Variants in TRIO observed in about 807,000 individuals in gnomAD.
TRIO encodes the protein trio Rho guanine nucleotide exchange factor, also known as triple functional domain protein.
In TRIO, 58 loss-of-function variants were observed where a neutral mutation model predicts 351.9. The ratio of observed to expected loss-of-function variants is 0.16; its 90% CI spans 0.13 to 0.21. The LOEUF (loss-of-function observed/expected upper bound fraction) is 0.21. Among genes scored for constraint, TRIO ranks in the 10% least tolerant of loss-of-function variants. The probability of loss-of-function intolerance (pLI) is 1.00; values close to 1 mark genes in which losing one functional copy is unlikely to be tolerated. For missense variants in TRIO, 3,201 were observed against 4,027.8 expected (o/e 0.79, Z 5.56); for synonymous variants, 1,758 against 1,595.7 (o/e 1.10, Z -2.42).
chr5:14,314,560 T>C (rs1739214376), intron 8 of TRIO, among the ~76,000 whole-genome samples: 1 of 152,234 alleles, frequency 6.6e-6, no homozygotes, highest in African/African-American at 2.4e-5. Flanking sequence ...AACATGGTTG[T>C]TGGATTTGTG....
intron 8 of TRIO, among the ~76,000 whole-genome samples, chr5:14,305,036 ATTAT>A (rs1279552718): frequency 6.6e-6 from 1 of 152,170 alleles, no homozygotes; most frequent in African/African-American, 2.4e-5. Flanking sequence ...GGTGTATTAC[ATTAT>A]TTACTTAGTG....
At chr5:14,183,821 T>C in intron 1 of TRIO, 1 of 634,770 alleles carries the variant, frequency 1.6e-6, no homozygotes, top group Non-Finnish European at 2.9e-6. Context: ...AGAGGTTGTT[T>C]GTTGGTGTTC....
chr5:14,252,655 G>T (rs775471387), intron 1 of TRIO, among the ~76,000 whole-genome samples: 44 of 152,216 alleles, frequency 2.9e-4, no homozygotes, highest in Non-Finnish European at 5.4e-4. Flanking sequence ...GACCTTTCTA[G>T]ATCCGAATTA....
chr5:14,317,849 A>C (rs1393761164), intron 9 of TRIO, among the ~76,000 whole-genome samples: 1 of 152,070 alleles, frequency 6.6e-6, no homozygotes, highest in Non-Finnish European at 1.5e-5. Context: ...AAATCAGGCC[A>C]GGCGAGGTAG....
intron 9 of TRIO, among the ~76,000 whole-genome samples, chr5:14,330,444 T>G (rs1177183214): frequency 1.3e-5 from 2 of 152,264 alleles, no homozygotes; most frequent in African/African-American, 4.8e-5. Context: ...CACTGTCTTA[T>G]ACAATACCCA....
chr5:14,358,465 T>C, intron 12 of TRIO, 118 bp downstream of exon 12: 1 of 1,210,796 alleles, frequency 8.3e-7, no homozygotes, highest in Admixed American at 2.6e-5. Context: ...AGTGCAGAGC[T>C]AGTAGTGTCT....
At chr5:14,356,226 A>G (rs1743599292) in intron 11 of TRIO, among the ~76,000 whole-genome samples, 1 of 152,224 alleles carries the variant, frequency 6.6e-6, no homozygotes, top group African/African-American at 2.4e-5. Context: ...TGCTCAGTGA[A>G]CAAATTGTAG....
At chr5:14,484,323 G>T (rs1755759827) in intron 46 of TRIO, among the ~76,000 whole-genome samples, 1 of 152,166 alleles carries the variant, frequency 6.6e-6, no homozygotes, top group Non-Finnish European at 1.5e-5. Flanking sequence ...TACTCCCTGG[G>T]AAGTAAGTAA....
intron 11 of TRIO, among the ~76,000 whole-genome samples, chr5:14,339,766 A>C (rs1354189976): frequency 6.6e-6 from 1 of 152,188 alleles, no homozygotes; most frequent in East Asian, 1.9e-4. Context: ...AATTTCCCTC[A>C]GTTCTTTTTC....
At chr5:14,245,414 G>T (rs1233266102) in intron 1 of TRIO, among the ~76,000 whole-genome samples, 4 of 152,106 alleles carry the variant, frequency 2.6e-5, no homozygotes, top group African/African-American at 9.7e-5. Flanking sequence ...CTTATTCAGG[G>T]GAGTGCTTGC....
At chr5:14,192,264 T>C (rs1268658439) in intron 1 of TRIO, among the ~76,000 whole-genome samples, 3 of 152,018 alleles carry the variant, frequency 2.0e-5, no homozygotes, top group Admixed American at 6.6e-5. Flanking sequence ...CTTCTTCTTT[T>C]TTTTTTTCCC....
At chr5:14,442,606 C>T (rs1466941692) in intron 34 of TRIO, among the ~76,000 whole-genome samples, 1 of 152,142 alleles carries the variant, frequency 6.6e-6, no homozygotes, top group Non-Finnish European at 1.5e-5. Flanking sequence ...CTCTTTTTGT[C>T]ATATTTATGC....
At chr5:14,180,542 T>C (rs1022264251) in intron 1 of TRIO, among the ~76,000 whole-genome samples, 7 of 152,142 alleles carry the variant, frequency 4.6e-5, no homozygotes, top group African/African-American at 1.7e-4. Context: ...TCTTTGCATA[T>C]GAAAATATAG....
At position 14,167,306 on chromosome 5, in the gene TRIO, G is replaced by A. The variant is rs1220197656; in HGVS notation, c.157+23424G>A. On this transcript the variant is annotated intron_variant, in intron 1 of 56. Transcript: ENST00000344204. ...TTACAGGAGTATGTTCCATGAGCCC[G>A]TTAAGAATGTTCCAGGTCTTGCCCT... Among the ~76,000 whole-genome samples the A allele has an allele frequency of 4.6e-5, 7 of 151,948 alleles. No individual in the cohort carries two copies. In the South Asian group the frequency reaches 8.3e-4, roughly 18 times the overall value.
At chr5:14,236,715 A>G (rs932102997) in intron 1 of TRIO, among the ~76,000 whole-genome samples, 1 of 152,190 alleles carries the variant, frequency 6.6e-6, no homozygotes, top group Non-Finnish European at 1.5e-5. Flanking sequence ...ATTGAAGTAT[A>G]ATTCATATAG....
chr5:14,480,110 A>G (rs1404956708), intron 43 of TRIO, 99 bp downstream of exon 43: 24 of 1,102,754 alleles, frequency 2.2e-5, no homozygotes, highest in Non-Finnish European at 3.1e-5. Flanking sequence ...CAGGGGAATC[A>G]TCTGTGTAAC....
chr5:14,225,067 G>A (rs1792903137), intron 1 of TRIO, among the ~76,000 whole-genome samples: 1 of 152,152 alleles, frequency 6.6e-6, no homozygotes, highest in Non-Finnish European at 1.5e-5. Flanking sequence ...TGGAGATGGT[G>A]TGCTCCTTGT....
intron 1 of TRIO, among the ~76,000 whole-genome samples, chr5:14,144,163 C>T (rs1179632621): frequency 1.3e-5 from 2 of 152,308 alleles, no homozygotes; most frequent in East Asian, 1.9e-4. Context: ...CAGAATCCCC[C>T]GGTCTGCCGC....
intron 14 of TRIO, among the ~76,000 whole-genome samples, 169 bp from the exon 15 acceptor site, chr5:14,364,481 T>C (rs1321826366): frequency 6.6e-6 from 1 of 152,254 alleles, no homozygotes; most frequent in Non-Finnish European, 1.5e-5. Flanking sequence ...ATTGATTGCC[T>C]ATACATCCTT....
Sources: gnomAD v4.1 joint callset for allele counts (sites outside exome capture counted in the v4.1 genomes callset) on GRCh38, gnomAD v4.1.1 for gene constraint, MANE v1.5 for transcripts, NCBI Gene and HGNC (gene_info 2026-07-23, HGNC 2026-07-21) for gene names.